The following DYRK1A variants were observed in gnomAD, a reference collection of about 807,000 sequenced individuals.
DYRK1A encodes the protein dual specificity tyrosine phosphorylation regulated kinase 1A.
A neutral mutation model predicts 79.7 loss-of-function variants in DYRK1A; 9 were observed. The observed-to-expected ratio is 0.11, with a 90% CI of 0.07 to 0.20. The LOEUF is 0.20. Among genes scored for constraint, DYRK1A ranks in the 10% least tolerant of loss-of-function variants. The pLI is 1.00. For synonymous variants in DYRK1A, 349 were observed against 329.7 expected, an observed-to-expected ratio of 1.06 and a Z score of -0.63; for missense variants, 622 against 956.0, an observed-to-expected ratio of 0.65 and a Z score of 4.61.
chr21:37,403,304 C>G (rs1481731789), intron 1 of DYRK1A, among the ~76,000 whole-genome samples: 2 of 151,934 alleles, frequency 1.3e-5, no homozygotes, highest in African/African-American at 2.4e-5. Context: ...AATTCTAATT[C>G]TTTGAATGTA....
At chr21:37,407,654 A>G (rs1264471374) in intron 1 of DYRK1A, among the ~76,000 whole-genome samples, 1 of 152,254 alleles carries the variant, frequency 6.6e-6, no homozygotes, top group Non-Finnish European at 1.5e-5. Flanking sequence ...AGCTCTAAGT[A>G]TAACAAATTA....
chr21:37,414,295 G>C (rs1297267726), intron 1 of DYRK1A, among the ~76,000 whole-genome samples: 2 of 151,974 alleles, frequency 1.3e-5, no homozygotes, highest in African/African-American at 4.8e-5. Context: ...GTTTAATATG[G>C]CCAAAAGCAG....
In DYRK1A at chr21:37,519,721, G is replaced by A. The variant is rs1248845612; in HGVS notation, c.*7190G>A. The A allele has an allele frequency of 7.6e-6, 1 of 131,930 alleles. No individual in the cohort carries two copies. The highest frequency in any genetic ancestry group is 1.6e-5 in the Non-Finnish European group (1 of 61,288). 8.2% of individuals were successfully genotyped at this position (131,930 alleles called of 1,614,324 possible). On this transcript the variant is annotated 3_prime_UTR_variant, in exon 12 of 12. Transcript: ENST00000647188. The stretch of plus-strand genomic sequence containing the variant: ...CCCTGCATCTATTTAAGAGTTTTGA[G>A]GTTTGTTGTGGGAAGTTTTTTTTTT...
At chr21:37,460,543 T>C (rs1240827499) in intron 2 of DYRK1A, among the ~76,000 whole-genome samples, 1 of 152,166 alleles carries the variant, frequency 6.6e-6, no homozygotes, top group Non-Finnish European at 1.5e-5. Context: ...TCTAAAAAGG[T>C]TTAATTTCAC....
intron 1 of DYRK1A, among the ~76,000 whole-genome samples, chr21:37,378,463 C>T (rs1010051956): frequency 2.6e-5 from 4 of 152,162 alleles, no homozygotes; most frequent in Non-Finnish European, 5.9e-5. Context: ...ACCTGGGAGG[C>T]GGACGTGGTG....
chr21:37,507,827 C>T (rs2053641655), intron 11 of DYRK1A, among the ~76,000 whole-genome samples: 1 of 152,134 alleles, frequency 6.6e-6, no homozygotes, highest in Non-Finnish European at 1.5e-5. Context: ...GGCCTGCAGT[C>T]ACCATCCTCA....
chr21:37,445,292 A>C (rs1336934787), intron 2 of DYRK1A, among the ~76,000 whole-genome samples: 1 of 152,262 alleles, frequency 6.6e-6, no homozygotes, highest in East Asian at 1.9e-4. Flanking sequence ...TGCACACCGG[A>C]AAGTAATGGA....
At chr21:37,462,818 C>G (rs1283329856) in intron 2 of DYRK1A, among the ~76,000 whole-genome samples, 3 of 152,108 alleles carry the variant, frequency 2.0e-5, no homozygotes, top group African/African-American at 7.2e-5. Flanking sequence ...TAGGGCTCAC[C>G]AAGAGTGATT....
Position 37,516,910 on chromosome 21 carries a change from A to G in DYRK1A, c.*4379A>G, listed in dbSNP as rs1328524379. 1 of 152,224 alleles carries G rather than the reference A, an allele frequency of 6.6e-6. No homozygotes were observed. The allele number at this position is 152,224 out of a possible 1,614,324, so 9.4% of individuals were successfully genotyped here. ...TGATTTGAAACACAACTAGAATGCT[A>G]CAGGTCTCTCTTCCAGTATGCAGCT... On this transcript the variant is annotated 3_prime_UTR_variant, in exon 12 of 12. Coordinates refer to ENST00000647188, the MANE Select transcript of DYRK1A (RefSeq NM_001347721.2).
At chr21:37,411,097 C>T (rs1275303047) in intron 1 of DYRK1A, among the ~76,000 whole-genome samples, 1 of 145,746 alleles carries the variant, frequency 6.9e-6, no homozygotes, top group East Asian at 2.0e-4. Context: ...GTGGCTCACA[C>T]CTGTAATCCC....
chr21:37,486,477 C>T lies in DYRK1A; in HGVS notation c.500C>T (p.Ala167Val). The change falls in exon 6 of 12, where the codon GCA becomes GTA. Residue 167 changes from alanine (A) to valine (V), a missense_variant. By Grantham distance (64) the Ala-to-Val change is moderately conservative. Around this residue, in one of 5 missense-constraint regions of DYRK1A, gnomAD observed 138 missense variants for 346.4 expected, o/e 0.40. Transcript: ENST00000647188. ...CATCTTCTCTTTTAGGTTGTAAAGG[C>T]ATATGATCGTGTGGAGCAAGAATGG... Reference protein sequence around the residue: ...GKGSFGQVVKAYDRVEQEWVA... With the variant: ...GKGSFGQVVKVYDRVEQEWVA... 1 of 1,545,858 alleles carries T rather than the reference C, an allele frequency of 6.5e-7. No individual in the cohort carries two copies. The highest frequency in any genetic ancestry group is 8.7e-7 in the Non-Finnish European group (1 of 1,149,714).
chr21:37,455,298 C>T (rs1219733688), intron 2 of DYRK1A, among the ~76,000 whole-genome samples: 1 of 151,994 alleles, frequency 6.6e-6, no homozygotes, highest in East Asian at 1.9e-4. Flanking sequence ...ATTTTCTCAG[C>T]CACACCCTTT....
At chr21:37,370,473 T>C (rs1319057827) in intron 1 of DYRK1A, among the ~76,000 whole-genome samples, 6 of 152,016 alleles carry the variant, frequency 3.9e-5, no homozygotes, top group African/African-American at 1.5e-4. Context: ...AGTAGAAGAG[T>C]GGGCTTCACT....
chr21:37,472,769 A>T lies in DYRK1A; in HGVS notation c.96A>T (p.Gly32=). The T allele has an allele frequency of 6.2e-7, 1 of 1,613,278 alleles. No individual in the cohort carries two copies. Among genetic ancestry groups the T allele is most frequent in the Non-Finnish European group, 8.5e-7 (1 of 1,179,374 alleles). The stretch of plus-strand genomic sequence containing the variant: ...ATGCTGCTGGCCTTCAGATGGCTGG[A>T]CAGATGCCCCATTCACATCAGTACA... ...SFHAAGLQMA[G]QMPHSHQYSD... Residue 32 remains glycine, a synonymous_variant, in exon 3 of 12, where the codon GGA becomes GGT. Transcript: ENST00000647188.
rs567821468 is a variant in DYRK1A, at chr21:37,442,629, T to C, written c.10+22245T>C. ...TTAAAATAGAGACAGGGTCTTCCTA[T>C]GTCTCTGTTTGCTATGACGGGCTGG... On this transcript the variant is annotated intron_variant, in intron 2 of 11. Transcript: ENST00000647188. Among the ~76,000 whole-genome samples the C allele has an allele frequency of 3.9e-5, 6 of 152,290 alleles. No individual in the cohort carries two copies. The South Asian group carries it at 1.2e-3, about 32-fold the overall frequency.
At chr21:37,482,215 A>C (rs1418015415) in intron 5 of DYRK1A, among the ~76,000 whole-genome samples, 7 of 140,408 alleles carry the variant, frequency 5.0e-5, no homozygotes, top group African/African-American at 1.5e-4. Context: ...TAAAACAGAA[A>C]GTGTTCTGTA....
chr21:37,513,425 C>T lies in DYRK1A; in HGVS notation c.*894C>T, dbSNP rs1422939803. The T allele has an allele frequency of 6.6e-6, 1 of 152,626 alleles. No homozygotes were observed. Among genetic ancestry groups the T allele is most frequent in the Non-Finnish European group, 1.5e-5 (1 of 68,050 alleles). The allele number at this position is 152,626 out of a possible 1,614,324, so 9.5% of individuals were successfully genotyped here. ...CATTTCAGATGCAATCACTTTTGGACATGCTTTTGCAGACAGTCCTTAATG... is the reference window on the plus strand; with the variant it reads ...CATTTCAGATGCAATCACTTTTGGATATGCTTTTGCAGACAGTCCTTAATG... On this transcript the variant is annotated 3_prime_UTR_variant, in exon 12 of 12. Coordinates refer to ENST00000647188, the MANE Select transcript of DYRK1A (RefSeq NM_001347721.2).
intron 11 of DYRK1A, among the ~76,000 whole-genome samples, chr21:37,507,913 T>C (rs1278788239): frequency 1.3e-5 from 2 of 152,202 alleles, no homozygotes; most frequent in African/African-American, 4.8e-5. Flanking sequence ...AATTGTTTAC[T>C]ATAAATGTCA....
At chr21:37,498,805 C>A (rs973984127) in intron 9 of DYRK1A, among the ~76,000 whole-genome samples, 1 of 152,146 alleles carries the variant, frequency 6.6e-6, no homozygotes, top group East Asian at 1.9e-4. Context: ...GTTCCAGTTG[C>A]GTGACATCCT....
Sources: allele counts gnomAD v4.1 joint callset (sites outside exome capture counted in the v4.1 genomes callset), GRCh38; gene constraint gnomAD v4.1.1; regional missense constraint gnomAD v4.1.1; transcripts MANE v1.5; gene names NCBI Gene and HGNC (gene_info 2026-07-23, HGNC 2026-07-21).